ENTREP2: variants seen among roughly 807,000 people sequenced by gnomAD.
ENTREP2 encodes the protein protein ENTREP2.
the ENTREP2 span, among the ~76,000 whole-genome samples, chr15:29,390,374 G>A: frequency 6.6e-6 from 1 of 152,054 alleles, no homozygotes; most frequent in Non-Finnish European, 1.5e-5. Flanking sequence ...AAAGAATATG[G>A]AGAAAACGAA....
At chr15:29,486,926 G>A in the ENTREP2 span, among the ~76,000 whole-genome samples, 2 of 152,136 alleles carry the variant, frequency 1.3e-5, no homozygotes, top group Admixed American at 6.5e-5. Flanking sequence ...TTGGTTAATG[G>A]ATACAAAGTT....
At chr15:29,223,274 C>T in the ENTREP2 span, among the ~76,000 whole-genome samples, 1 of 152,178 alleles carries the variant, frequency 6.6e-6, no homozygotes, top group East Asian at 1.9e-4. Context: ...GTTCACTAGG[C>T]CGTGGGTGGC....
chr15:29,234,850 G>A, the ENTREP2 span: 2 of 1,421,588 alleles, frequency 1.4e-6, no homozygotes, highest in Non-Finnish European at 2.0e-6. Flanking sequence ...CATTAGATAT[G>A]TTTGCTTGGT....
At chr15:29,244,183 G>A in the ENTREP2 span, among the ~76,000 whole-genome samples, 1 of 152,114 alleles carries the variant, frequency 6.6e-6, no homozygotes, top group Non-Finnish European at 1.5e-5. Flanking sequence ...ACTAAAGGAG[G>A]AAAGCCATAT....
chr15:29,252,245 C>T, the ENTREP2 span: 1 of 541,744 alleles, frequency 1.8e-6, no homozygotes, highest in African/African-American at 1.9e-5. Flanking sequence ...AACTAGAAAA[C>T]ATCAGAATGA....
chr15:29,146,030 A>C, the ENTREP2 span, among the ~76,000 whole-genome samples: 1 of 152,238 alleles, frequency 6.6e-6, no homozygotes, highest in African/African-American at 2.4e-5. Context: ...ATGATCTGAA[A>C]ATTTAATTAA....
At chr15:29,565,250 G>A in the ENTREP2 span, among the ~76,000 whole-genome samples, 1 of 152,148 alleles carries the variant, frequency 6.6e-6, no homozygotes, top group Admixed American at 6.5e-5. Flanking sequence ...CGCTGCAAGA[G>A]GACAGAAAAA....
the ENTREP2 span, among the ~76,000 whole-genome samples, chr15:29,381,093 G>T: frequency 2.7e-5 from 4 of 146,600 alleles, no homozygotes; most frequent in African/African-American, 1.0e-4. Flanking sequence ...CTCATTATCT[G>T]CCCGCCTCGG....
chr15:29,275,663 A>G, the ENTREP2 span, among the ~76,000 whole-genome samples: 3 of 152,230 alleles, frequency 2.0e-5, no homozygotes, highest in Non-Finnish European at 2.9e-5. Context: ...TAGTAATTAA[A>G]TGTTTTATTT....
the ENTREP2 span, among the ~76,000 whole-genome samples, chr15:29,499,251 G>C: frequency 6.6e-6 from 1 of 152,108 alleles, no homozygotes; most frequent in Non-Finnish European, 1.5e-5. Context: ...TTTGTGACTT[G>C]ACAATTTTCT....
At chr15:29,374,926 G>A in the ENTREP2 span, 1 of 151,806 alleles carries the variant, frequency 6.6e-6, no homozygotes, top group Admixed American at 6.6e-5. Context: ...AAGTTCAACT[G>A]GGTTTTTTTT....
the ENTREP2 span, among the ~76,000 whole-genome samples, chr15:29,338,757 AT>A: frequency 3.3e-5 from 5 of 152,342 alleles, no homozygotes; most frequent in African/African-American, 1.2e-4. Flanking sequence ...TTTTCTTTTA[AT>A]AAAAAATATT....
At chr15:29,173,667 T>C in the ENTREP2 span, among the ~76,000 whole-genome samples, 1 of 152,056 alleles carries the variant, frequency 6.6e-6, no homozygotes, top group Middle Eastern at 3.4e-3. Flanking sequence ...CCTCGGAGGG[T>C]TGGGGCACCA....
the ENTREP2 span, among the ~76,000 whole-genome samples, chr15:29,444,216 AAGAAAG>A: frequency 1.3e-5 from 2 of 151,266 alleles, no homozygotes; most frequent in East Asian, 2.0e-4. Flanking sequence ...GAAAGAAAGA[AAGAAAG>A]AAAGAAAGAA....
At chr15:29,394,235 G>A in the ENTREP2 span, among the ~76,000 whole-genome samples, 1 of 152,222 alleles carries the variant, frequency 6.6e-6, no homozygotes, top group South Asian at 2.1e-4. Context: ...TTAATTTAGT[G>A]AAATCTCTAT....
the ENTREP2 span, chr15:29,234,849 T>G: frequency 7.0e-7 from 1 of 1,423,448 alleles, no homozygotes; most frequent in Non-Finnish European, 9.9e-7. Flanking sequence ...GCATTAGATA[T>G]GTTTGCTTGG....
chr15:29,288,863 CAA>C, the ENTREP2 span, among the ~76,000 whole-genome samples: 1 of 152,084 alleles, frequency 6.6e-6, no homozygotes, highest in African/African-American at 2.4e-5. Flanking sequence ...ATCCGCCCAA[CAA>C]ATCACAAATA....
the ENTREP2 span, among the ~76,000 whole-genome samples, chr15:29,307,308 G>C: frequency 6.6e-6 from 1 of 151,674 alleles, no homozygotes; most frequent in Non-Finnish European, 1.5e-5. Flanking sequence ...AAAACCTGAA[G>C]TCAAAATAAA....
chr15:29,559,098 T>C, the ENTREP2 span, among the ~76,000 whole-genome samples: 1 of 152,128 alleles, frequency 6.6e-6, no homozygotes, highest in Non-Finnish European at 1.5e-5. Flanking sequence ...CAAGACGTAG[T>C]ACCCATTCCC....
Sources: allele counts gnomAD v4.1 joint callset (sites outside exome capture counted in the v4.1 genomes callset), GRCh38; gene constraint gnomAD v4.1.1; transcripts MANE v1.5; gene names NCBI Gene and HGNC (gene_info 2026-07-23, HGNC 2026-07-21).